Variants in ALMS1 observed in about 807,000 individuals in gnomAD.
ALMS1 encodes ALMS1 centrosome and basal body associated protein, also known as centrosome-associated protein ALMS1.
In ALMS1, 271 loss-of-function variants were observed where a neutral mutation model predicts 352.2. That is an observed-to-expected ratio of 0.77 (90% CI 0.70 to 0.85). The LOEUF is 0.85. Among genes scored for constraint, ALMS1 ranks in the 40% least tolerant of loss-of-function variants. The pLI is 0.00. For synonymous variants in ALMS1, 1,865 were observed against 1,761.2 expected (o/e 1.06, Z -1.48); for missense variants, 5,445 against 4,870.7 (o/e 1.12, Z -3.51).
upstream of ALMS1, chr2:73,385,828 CCCTCCT>C: frequency 3.0e-6 from 2 of 664,848 alleles, no homozygotes; most frequent in Non-Finnish European, 5.5e-6. Flanking sequence ...CTCCCTCCCC[CCCTCCT>C]CCTCCTCCTC....
intron 16 of ALMS1, among the ~76,000 whole-genome samples, chr2:73,581,446 C>CT (rs1321027145): frequency 3.9e-5 from 6 of 152,210 alleles, no homozygotes; most frequent in Non-Finnish European, 5.9e-5. Flanking sequence ...GGGCTGCCGT[C>CT]TTTAAGACCA....
chr2:73,568,644 G>T (rs2104092990), intron 15 of ALMS1, among the ~76,000 whole-genome samples: 1 of 152,254 alleles, frequency 6.6e-6, no homozygotes, highest in Non-Finnish European at 1.5e-5. Context: ...GGAACTAGGA[G>T]GTTCAGAGAT....
At chr2:73,502,028 G>A (rs1558671311) in intron 10 of ALMS1, among the ~76,000 whole-genome samples, 1 of 151,936 alleles carries the variant, frequency 6.6e-6, no homozygotes, top group Non-Finnish European at 1.5e-5. Context: ...ATGGTATATG[G>A]CATTTTAAAA....
intron 16 of ALMS1, among the ~76,000 whole-genome samples, chr2:73,590,842 C>A (rs1675417406): frequency 6.6e-6 from 1 of 151,976 alleles, no homozygotes; most frequent in Non-Finnish European, 1.5e-5. Flanking sequence ...CCACGCCTGA[C>A]TAATTTTTTT....
chr2:73,403,635 CAATATT>C (rs202244086), intron 1 of ALMS1, among the ~76,000 whole-genome samples: 2,062 of 152,066 alleles, frequency 0.014, 34 homozygotes, highest in Non-Finnish European at 0.019. Flanking sequence ...TACATTTTAA[CAATATT>C]AATTATTTCA....
At chr2:73,413,949 A>C (rs2421546) in intron 2 of ALMS1, among the ~76,000 whole-genome samples, 77,424 of 152,088 alleles carry the variant, frequency 0.51, 22,677 homozygotes, top group East Asian at 0.77. Flanking sequence ...TCTTAAAATC[A>C]GGTTGTGTGA....
chr2:73,458,004 A>T lies in ALMS1; in HGVS notation c.7674+2709A>T, dbSNP rs1051413119. The T allele has an allele frequency of 3.7e-5, 5 of 135,240 alleles. No homozygotes were observed. The East Asian group carries it at 8.9e-4, about 24-fold the overall frequency. 8.4% of individuals were successfully genotyped at this position (135,240 alleles called of 1,614,324 possible). A position where few individuals can be genotyped will look rare whatever the true frequency, so the allele number is the denominator to read the frequency against. ...GCCGAAGATTGTGCCAGTGCACTCC[A>T]GCCTAGGCGACAGAGGGAGACTTTG... On this transcript the variant is annotated intron_variant, in intron 9 of 22. Transcript: ENST00000613296.
chr2:73,414,489 G>T (rs62972161), intron 2 of ALMS1, among the ~76,000 whole-genome samples: 10,483 of 90,908 alleles, frequency 0.12, 6 homozygotes, highest in Non-Finnish European at 0.12. Context: ...TTTTTTTTTT[G>T]TTTTTTTTTT....
chr2:73,608,599 G>A (rs1177592058), intron 22 of ALMS1, 25 bp downstream of exon 22: 1 of 1,566,304 alleles, frequency 6.4e-7, no homozygotes, highest in African/African-American at 1.4e-5. Context: ...TGTCTAGAGT[G>A]GGATGGATCA....
At chr2:73,563,881 A>G (rs761676223) in intron 15 of ALMS1, among the ~76,000 whole-genome samples, 8 of 152,116 alleles carry the variant, frequency 5.3e-5, no homozygotes, top group Non-Finnish European at 7.4e-5. Context: ...ACCCTAGGAA[A>G]TCTTCAAAGA....
intron 9 of ALMS1, among the ~76,000 whole-genome samples, chr2:73,488,846 C>T (rs1672912304): frequency 6.6e-6 from 1 of 152,152 alleles, no homozygotes; most frequent in African/African-American, 2.4e-5. Context: ...TTTATGGTAG[C>T]TTTGAGTACT....
intron 6 of ALMS1, among the ~76,000 whole-genome samples, chr2:73,430,322 C>T (rs1364721183): frequency 2.0e-5 from 3 of 152,078 alleles, no homozygotes; most frequent in Non-Finnish European, 4.4e-5. Context: ...GTGATCCGCC[C>T]GCCTCGGCCT....
intron 2 of ALMS1, among the ~76,000 whole-genome samples, chr2:73,418,114 T>C (rs1671214125): frequency 6.6e-6 from 1 of 152,244 alleles, no homozygotes; most frequent in South Asian, 2.1e-4. Flanking sequence ...TTTCTAGTTA[T>C]TTTTACTGGT....
At chr2:73,510,736 A>C (rs1279901033) in intron 10 of ALMS1, among the ~76,000 whole-genome samples, 2 of 152,162 alleles carry the variant, frequency 1.3e-5, no homozygotes, top group Non-Finnish European at 2.9e-5. Flanking sequence ...GCAGGGCTCG[A>C]GGGCTGTCCT....
At chr2:73,496,738 G>A (rs527619617) in intron 10 of ALMS1, among the ~76,000 whole-genome samples, 2 of 152,236 alleles carry the variant, frequency 1.3e-5, no homozygotes, top group Non-Finnish European at 2.9e-5. Flanking sequence ...CATCCTCACC[G>A]ATGTGTAAAT....
At chr2:73,603,868 TAAAAAA>T (rs748368183) in intron 21 of ALMS1, 1 of 152,490 alleles carries the variant, frequency 6.6e-6, no homozygotes, top group East Asian at 1.9e-4. Context: ...TCAAAAAAAT[TAAAAAA>T]AAAGATTATT....
intron 10 of ALMS1, among the ~76,000 whole-genome samples, chr2:73,513,439 G>A (rs1486428077): frequency 6.6e-6 from 1 of 152,064 alleles, no homozygotes; most frequent in African/African-American, 2.4e-5. Context: ...ATCTTGTTTA[G>A]GATTTGACTC....
In ALMS1 at chr2:73,451,955, G is replaced by T; in HGVS notation, c.5428G>T (p.Glu1810Ter). The change falls in exon 8 of 23, where the codon GAG becomes TAG. Residue 1810 changes from glutamate to a stop codon, truncating the protein, a stop_gained. Coordinates refer to ENST00000613296, the MANE Select transcript of ALMS1 (RefSeq NM_001378454.1). LOFTEE classifies it high-confidence loss of function. ...AACCTCTACTTCCTACTCACACAGA[G>T]AGAAGCCCATTGTTTCCTACCAGCG... The part of the protein sequence containing the change: ...TVTSTSYSHR[E>*]KPIVSYQREL... 1 of 1,613,792 alleles carries T rather than the reference G, an allele frequency of 6.2e-7. No individual in the cohort carries two copies. Among genetic ancestry groups the T allele is most frequent in the South Asian group, 1.1e-5 (1 of 91,066 alleles).
chr2:73,589,859 C>A (rs1675388003), intron 16 of ALMS1, among the ~76,000 whole-genome samples: 1 of 152,078 alleles, frequency 6.6e-6, no homozygotes, highest in South Asian at 2.1e-4. Flanking sequence ...GCATATATAC[C>A]CAGAAGTGGA....
Sources: gnomAD v4.1 joint callset for allele counts (sites outside exome capture counted in the v4.1 genomes callset) on GRCh38, gnomAD v4.1.1 for gene constraint, MANE v1.5 for transcripts, NCBI Gene and HGNC (gene_info 2026-07-23, HGNC 2026-07-21) for gene names.